The following SLC4A10 variants were observed in gnomAD, a reference collection of about 807,000 sequenced individuals.
SLC4A10 encodes sodium-driven chloride bicarbonate exchanger.
Under a neutral mutation model 137.7 loss-of-function variants are expected in SLC4A10, and 42 were observed. That is an observed-to-expected ratio of 0.30 (90% CI 0.24 to 0.39). The LOEUF is 0.39. Among genes scored for constraint, SLC4A10 ranks in the 10% least tolerant of loss-of-function variants. The pLI, the probability that SLC4A10 is intolerant of heterozygous loss-of-function variation, is 1.00. For missense variants in SLC4A10, 925 were observed against 1,355.0 expected (o/e 0.68, Z 4.98); for synonymous variants, 474 against 464.1 (o/e 1.02, Z -0.27).
At chr2:161,798,566 G>A (rs531380636) in intron 2 of SLC4A10, among the ~76,000 whole-genome samples, 60 of 151,654 alleles carry the variant, frequency 4.0e-4, no homozygotes, top group African/African-American at 1.4e-3. Flanking sequence ...TGAGTCTGTT[G>A]AACATAATAA....
At chr2:161,656,239 A>G (rs530867441) in intron 1 of SLC4A10, among the ~76,000 whole-genome samples, 34 of 152,336 alleles carry the variant, frequency 2.2e-4, no homozygotes, top group African/African-American at 7.7e-4. Flanking sequence ...TCACATGATC[A>G]TCTCAATAGA....
intron 1 of SLC4A10, among the ~76,000 whole-genome samples, chr2:161,649,173 C>T (rs1044422974): frequency 1.3e-5 from 2 of 152,044 alleles, no homozygotes; most frequent in Non-Finnish European, 2.9e-5. Flanking sequence ...TTGAGACCAG[C>T]GTGGGCAACA....
chr2:161,957,264 C>A (rs1161635337), intron 20 of SLC4A10, 24 bp downstream of exon 20: 1 of 1,598,122 alleles, frequency 6.3e-7, no homozygotes, highest in Non-Finnish European at 8.5e-7. Context: ...TCTTTATGAA[C>A]TTGAGAGAAA....
chr2:161,752,474 A>G (rs538135645), intron 1 of SLC4A10, among the ~76,000 whole-genome samples: 16 of 152,038 alleles, frequency 1.1e-4, no homozygotes, highest in African/African-American at 9.7e-5. Context: ...TTCTCACCAT[A>G]TGATCCAGCA....
chr2:161,740,412 G>A (rs1011854963), intron 1 of SLC4A10, among the ~76,000 whole-genome samples: 1 of 152,120 alleles, frequency 6.6e-6, no homozygotes, highest in Non-Finnish European at 1.5e-5. Context: ...ACTCTTCTGG[G>A]CACTGTCATT....
chr2:161,802,297 T>C (rs2055454560), intron 2 of SLC4A10, among the ~76,000 whole-genome samples: 1 of 152,126 alleles, frequency 6.6e-6, no homozygotes, highest in South Asian at 2.1e-4. Flanking sequence ...GAGGAATAAC[T>C]AATTCTATAG....
intron 10 of SLC4A10, among the ~76,000 whole-genome samples, 159 bp from the exon 11 acceptor site, chr2:161,894,520 A>G (rs1406483536): frequency 2.0e-5 from 3 of 152,066 alleles, no homozygotes; most frequent in African/African-American, 7.2e-5. Flanking sequence ...CATAAAATAA[A>G]TTATAATATT....
intron 3 of SLC4A10, among the ~76,000 whole-genome samples, chr2:161,805,287 C>A (rs957942402): frequency 1.3e-5 from 2 of 152,164 alleles, no homozygotes; most frequent in African/African-American, 4.8e-5. Flanking sequence ...ATGGAAAATT[C>A]AAGATGAGAT....
chr2:161,871,598 T>A (rs2061130400), intron 6 of SLC4A10, among the ~76,000 whole-genome samples: 1 of 152,068 alleles, frequency 6.6e-6, no homozygotes, highest in Non-Finnish European at 1.5e-5. Flanking sequence ...AACTACAAGA[T>A]AATTTTGTTT....
At chr2:161,867,810 A>G (rs1402795589) in intron 6 of SLC4A10, among the ~76,000 whole-genome samples, 1 of 151,924 alleles carries the variant, frequency 6.6e-6, no homozygotes, top group African/African-American at 2.4e-5. Flanking sequence ...TTACACATGT[A>G]TGTAACTTTG....
At chr2:161,898,121 C>G (rs1280128511) in intron 11 of SLC4A10, among the ~76,000 whole-genome samples, 1 of 152,022 alleles carries the variant, frequency 6.6e-6, no homozygotes, top group Non-Finnish European at 1.5e-5. Flanking sequence ...ATATGTATGA[C>G]CTTGAACAAA....
chr2:161,930,096 A>G (rs1375258458), intron 15 of SLC4A10, among the ~76,000 whole-genome samples: 2 of 152,170 alleles, frequency 1.3e-5, no homozygotes, highest in African/African-American at 4.8e-5. Context: ...CTATAGTTTC[A>G]CAATATTCAT....
At chr2:161,659,952 C>G (rs1031431678) in intron 1 of SLC4A10, among the ~76,000 whole-genome samples, 2 of 151,242 alleles carry the variant, frequency 1.3e-5, no homozygotes, top group African/African-American at 2.4e-5. Flanking sequence ...CCAGATTAGG[C>G]AAATCCATAG....
rs965227262 is a variant in SLC4A10 at position 161,884,976 on chromosome 2, G to A, written c.1194+2532G>A. Among the ~76,000 whole-genome samples, 5 of 152,188 alleles carry A rather than the reference G, an allele frequency of 3.3e-5. No individual in the cohort carries two copies. The South Asian group carries it at 6.2e-4, about 19-fold the overall frequency. ...ATGGATCACCTGAAGTCAGGAGTTC[G>A]AGATCAGCCTGGCCAACATGGTGAA... On this transcript the variant is annotated intron_variant, in intron 10 of 26. Transcript: ENST00000446997.
intron 1 of SLC4A10, among the ~76,000 whole-genome samples, chr2:161,768,302 G>A (rs190025676): frequency 1.3e-5 from 2 of 152,114 alleles, no homozygotes; most frequent in Admixed American, 1.3e-4. Context: ...TCTGGCTGCT[G>A]AGCCTGAGTG....
At chr2:161,979,542 T>A (rs1699910297) in intron 26 of SLC4A10, among the ~76,000 whole-genome samples, 1 of 152,236 alleles carries the variant, frequency 6.6e-6, no homozygotes, top group Non-Finnish European at 1.5e-5. Context: ...CATCTTTTGG[T>A]TGGTAGTTAA....
intron 9 of SLC4A10, among the ~76,000 whole-genome samples, chr2:161,879,731 A>G (rs896253896): frequency 1.3e-5 from 2 of 152,208 alleles, no homozygotes; most frequent in East Asian, 3.9e-4. Flanking sequence ...TTCAAAATGC[A>G]TGTAAGTGCC....
At chr2:161,983,031 G>C (rs1700428897) in intron 26 of SLC4A10, 148 bp from the exon 27 acceptor site, 4 of 634,232 alleles carry the variant, frequency 6.3e-6, no homozygotes, top group Non-Finnish European at 2.7e-6. Context: ...AATTGTTGCT[G>C]TCTATCTGTG....
intron 2 of SLC4A10, among the ~76,000 whole-genome samples, chr2:161,794,597 A>G (rs990398075): frequency 4.6e-5 from 7 of 152,138 alleles, no homozygotes; most frequent in African/African-American, 1.7e-4. Flanking sequence ...AGCCTTATTG[A>G]GGTAAATTGA....
Sources: gnomAD v4.1 joint callset for allele counts (sites outside exome capture counted in the v4.1 genomes callset) on GRCh38, gnomAD v4.1.1 for gene constraint, MANE v1.5 for transcripts, NCBI Gene and HGNC (gene_info 2026-07-23, HGNC 2026-07-21) for gene names.